Variants in DLGAP1 observed in about 807,000 individuals in gnomAD.
The protein encoded by DLGAP1 is DLG associated protein 1, also known as disks large-associated protein 1.
In DLGAP1, 11 loss-of-function variants were observed where a neutral mutation model predicts 90.8. That is an observed-to-expected ratio of 0.12 (90% confidence interval 0.08 to 0.20). The LOEUF is 0.20. Ranked by LOEUF, DLGAP1 falls within the 10% of genes least tolerant of loss-of-function variation. DLGAP1 has a pLI of 1.00. For missense variants in DLGAP1, 1,050 were observed against 1,333.8 expected (o/e 0.79, Z 3.31); for synonymous variants, 558 against 540.7 (o/e 1.03, Z -0.44).
chr18:4,093,270 TA>T (rs2143778974), intron 2 of DLGAP1, among the ~76,000 whole-genome samples: 1 of 152,168 alleles, frequency 6.6e-6, no homozygotes, highest in Non-Finnish European at 1.5e-5. Context: ...CAGGGATAAT[TA>T]AAAAAAGGAA....
chr18:4,392,252 C>T (rs1223950787), intron 1 of DLGAP1, among the ~76,000 whole-genome samples: 1 of 152,152 alleles, frequency 6.6e-6, no homozygotes, highest in Non-Finnish European at 1.5e-5. Flanking sequence ...TCCTGCTCCA[C>T]ATCATTATGG....
chr18:4,044,754 AAAAACAAACAAAC>A (rs1190354639), intron 2 of DLGAP1, among the ~76,000 whole-genome samples: 1 of 152,132 alleles, frequency 6.6e-6, no homozygotes, highest in Non-Finnish European at 1.5e-5. Flanking sequence ...AAACAAAACA[AAAAACAAACAAAC>A]AAAACAAACA....
intron 7 of DLGAP1, among the ~76,000 whole-genome samples, chr18:3,617,066 G>A (rs1317532020): frequency 6.6e-6 from 1 of 152,178 alleles, no homozygotes; most frequent in African/African-American, 2.4e-5. Flanking sequence ...CACCTGGAGA[G>A]ACTGCAAGCT....
intron 9 of DLGAP1, among the ~76,000 whole-genome samples, chr18:3,560,589 CAAAAA>C (rs59239504): frequency 1.4e-5 from 1 of 69,962 alleles, no homozygotes. Flanking sequence ...GACTCAGTCT[CAAAAA>C]AAAAAAAAAA....
chr18:4,031,588 T>C (rs2074797253), intron 2 of DLGAP1, among the ~76,000 whole-genome samples: 1 of 152,164 alleles, frequency 6.6e-6, no homozygotes, highest in African/African-American at 2.4e-5. Context: ...GAACCATTTG[T>C]TAAAACCACA....
At chr18:4,185,081 G>GC (rs2077268633) in intron 1 of DLGAP1, among the ~76,000 whole-genome samples, 1 of 151,900 alleles carries the variant, frequency 6.6e-6, no homozygotes, top group South Asian at 2.1e-4. Context: ...TATTCCCAGG[G>GC]CCCTCGACAG....
intron 9 of DLGAP1, among the ~76,000 whole-genome samples, chr18:3,559,217 G>A (rs371626432): frequency 3.9e-5 from 6 of 152,180 alleles, no homozygotes; most frequent in African/African-American, 1.4e-4. Context: ...TGATTCTGAT[G>A]TTAGTTCTGT....
intron 2 of DLGAP1, among the ~76,000 whole-genome samples, chr18:4,065,923 C>T (rs1325600450): frequency 6.6e-6 from 1 of 151,368 alleles, no homozygotes. Context: ...AACTATACTA[C>T]AAAGCTACAG....
intron 1 of DLGAP1, among the ~76,000 whole-genome samples, chr18:4,325,408 C>T (rs994526235): frequency 5.3e-5 from 8 of 152,058 alleles, no homozygotes; most frequent in African/African-American, 1.9e-4. Flanking sequence ...TAGGAAGAAT[C>T]AATATCATCA....
intron 5 of DLGAP1, among the ~76,000 whole-genome samples, chr18:3,812,321 C>G (rs562313301): frequency 9.2e-5 from 14 of 152,088 alleles, no homozygotes; most frequent in African/African-American, 2.9e-4. Context: ...TGAGCTTCTG[C>G]TAGGCGCGCC....
intron 1 of DLGAP1, among the ~76,000 whole-genome samples, chr18:4,346,302 T>C (rs931796253): frequency 3.6e-4 from 55 of 152,156 alleles, no homozygotes; most frequent in African/African-American, 1.3e-3. Context: ...ATGGAATTCA[T>C]GTCAAAATTT....
intron 1 of DLGAP1, among the ~76,000 whole-genome samples, chr18:4,226,871 T>C (rs989894199): frequency 2.6e-5 from 4 of 151,954 alleles, no homozygotes; most frequent in African/African-American, 9.6e-5. Context: ...AGTAATACCA[T>C]TGAATGTAAA....
intron 3 of DLGAP1, among the ~76,000 whole-genome samples, chr18:3,996,056 A>G (rs1365928728): frequency 6.6e-6 from 1 of 152,182 alleles, no homozygotes; most frequent in Non-Finnish European, 1.5e-5. Flanking sequence ...TCAATACTTA[A>G]CTTTTAAAGT....
intron 5 of DLGAP1, among the ~76,000 whole-genome samples, chr18:3,808,995 A>G (rs2066698181): frequency 6.6e-6 from 1 of 152,184 alleles, no homozygotes; most frequent in African/African-American, 2.4e-5. Flanking sequence ...TTAAACTGTG[A>G]ACCACTACTC....
chr18:4,388,803 A>G (rs1039126231), intron 1 of DLGAP1, among the ~76,000 whole-genome samples: 12 of 152,186 alleles, frequency 7.9e-5, no homozygotes, highest in African/African-American at 2.9e-4. Context: ...AACCACAATG[A>G]GATATCACCT....
chr18:3,992,910 T>C (rs1436765244), intron 3 of DLGAP1, among the ~76,000 whole-genome samples: 2 of 152,162 alleles, frequency 1.3e-5, no homozygotes, highest in Non-Finnish European at 2.9e-5. Flanking sequence ...ACCTCAGCAA[T>C]GTAGCATCTG....
At chr18:4,197,058 A>G (rs921575102) in intron 1 of DLGAP1, among the ~76,000 whole-genome samples, 2 of 151,980 alleles carry the variant, frequency 1.3e-5, no homozygotes, top group African/African-American at 4.8e-5. Context: ...CTGTAATTCC[A>G]GCTACTTGGG....
intron 7 of DLGAP1, among the ~76,000 whole-genome samples, chr18:3,704,253 G>A (rs965744652): frequency 6.6e-6 from 1 of 152,150 alleles, no homozygotes; most frequent in Non-Finnish European, 1.5e-5. Context: ...TGCAGGGAGA[G>A]GTGGCAATTC....
At chr18:3,647,275 T>A (rs1003075680) in intron 7 of DLGAP1, among the ~76,000 whole-genome samples, 1,960 of 147,464 alleles carry the variant, frequency 0.013, 50 homozygotes, top group African/African-American at 0.046. Flanking sequence ...AATAAATAAA[T>A]AAAAATATAC....
Sources: gnomAD v4.1 joint callset for allele counts (sites outside exome capture counted in the v4.1 genomes callset) on GRCh38, gnomAD v4.1.1 for gene constraint, MANE v1.5 for transcripts, NCBI Gene and HGNC (gene_info 2026-07-23, HGNC 2026-07-21) for gene names.